MTUS2: variants seen among roughly 807,000 people sequenced by gnomAD.
MTUS2 encodes microtubule associated scaffold protein 2.
In MTUS2, 40 loss-of-function variants were observed where a neutral mutation model predicts 114.1. The observed-to-expected ratio is 0.35, with a 90% CI of 0.27 to 0.46. The LOEUF is 0.46. Among genes scored for constraint, MTUS2 ranks in the 20% least tolerant of loss-of-function variants. The probability of loss-of-function intolerance (pLI) is 1.00; values close to 1 mark genes in which losing one functional copy is unlikely to be tolerated. For missense variants in MTUS2, 1,679 were observed against 1,705.4 expected (o/e 0.98, Z 0.27); for synonymous variants, 688 against 672.0 (o/e 1.02, Z -0.37).
chr13:29,437,311 A>G (rs755740748), intron 8 of MTUS2, among the ~76,000 whole-genome samples: 3 of 152,218 alleles, frequency 2.0e-5, no homozygotes, highest in Admixed American at 6.5e-5. Context: ...TACTATTTCA[A>G]TTCTCTGGCT....
At chr13:29,308,540 C>A (rs1256445754) in intron 6 of MTUS2, among the ~76,000 whole-genome samples, 1 of 152,104 alleles carries the variant, frequency 6.6e-6, no homozygotes, top group Non-Finnish European at 1.5e-5. Context: ...GTGACTAAAG[C>A]AAAACTTGAC....
rs1270708816 is a variant in MTUS2, at chr13:28,908,863, TG to T, written c.-243+69014del. ...CTTTAATCCATCTTGAATTAATTTT[TG>T]TATAAGATATAAGGAAGGGACCCAG... On this transcript the variant is annotated intron_variant, in intron 2 of 15. Transcript: ENST00000612955. Among the ~76,000 whole-genome samples, 57 of 151,804 alleles carry T rather than the reference TG, an allele frequency of 3.8e-4. 2 individuals are homozygous for T. The highest frequency in any genetic ancestry group is 2.9e-3 in the Admixed American group (45 of 15,276).
chr13:29,396,698 A>G (rs1290219083), intron 8 of MTUS2, among the ~76,000 whole-genome samples: 2 of 152,336 alleles, frequency 1.3e-5, no homozygotes, highest in African/African-American at 4.8e-5. Context: ...CCTTACATCA[A>G]ATACTTCTAG....
intron 5 of MTUS2, among the ~76,000 whole-genome samples, chr13:29,154,724 C>G (rs1892790041): frequency 6.6e-6 from 1 of 152,134 alleles, no homozygotes; most frequent in Non-Finnish European, 1.5e-5. Flanking sequence ...AGATTTATAC[C>G]TCTTGAAATT....
chr13:29,076,924 A>G (rs75295906), intron 4 of MTUS2, among the ~76,000 whole-genome samples: 2,500 of 152,280 alleles, frequency 0.016, 69 homozygotes, highest in African/African-American at 0.057. Flanking sequence ...AGCAATGCCT[A>G]TCATTTGTTG....
At chr13:29,020,719 C>T in intron 2 of MTUS2, among the ~76,000 whole-genome samples, 1 of 151,654 alleles carries the variant, frequency 6.6e-6, no homozygotes, top group East Asian at 1.9e-4. Flanking sequence ...GTGTATGATT[C>T]CATTCATGGG....
At chr13:28,900,811 T>G (rs1446782725) in intron 2 of MTUS2, among the ~76,000 whole-genome samples, 2 of 152,248 alleles carry the variant, frequency 1.3e-5, no homozygotes, top group South Asian at 2.1e-4. Flanking sequence ...GTTCAGCATA[T>G]GAATCTGGAG....
At chr13:28,913,039 A>C (rs1020289706) in intron 2 of MTUS2, among the ~76,000 whole-genome samples, 1 of 152,176 alleles carries the variant, frequency 6.6e-6, no homozygotes, top group Admixed American at 6.6e-5. Context: ...TTCTAGATAT[A>C]GGATGATGTC....
chr13:29,399,832 T>C (rs564464877), intron 8 of MTUS2, among the ~76,000 whole-genome samples: 264 of 152,112 alleles, frequency 1.7e-3, no homozygotes, highest in African/African-American at 6.2e-3. Context: ...ATTAAAGCCA[T>C]AAACAAATCA....
In MTUS2 at chr13:29,024,671, G is replaced by A; in HGVS notation, c.-28G>A. Reference sequence around the variant, plus strand: ...CCATTTCCATTAAGTAGGACTGCATGGCAAGCAGCCCCACCAAAGGGTTGA... The same window carrying A: ...CCATTTCCATTAAGTAGGACTGCATAGCAAGCAGCCCCACCAAAGGGTTGA... On this transcript the variant is annotated 5_prime_UTR_variant, in exon 3 of 16. It removes an upstream start codon present in the reference 5' UTR. Transcript: ENST00000612955. 6.2e-7 allele frequency: 1 copy of A among 1,607,672 alleles called. No homozygotes were observed. The highest frequency in any genetic ancestry group is 8.5e-7 in the Non-Finnish European group (1 of 1,177,016).
rs997045663 is a variant in MTUS2, at chr13:29,294,632, G to A, written c.2806+12767G>A. On this transcript the variant is annotated intron_variant, in intron 6 of 15. Transcript: ENST00000612955. The stretch of plus-strand genomic sequence containing the variant: ...TTCACCAAAGGGAAAAAGCTCATGG[G>A]GCAAAGTTCAAATGAAACAAGGCAC... 2.0e-5 allele frequency among the ~76,000 whole-genome samples: 3 copies of A among 152,034 alleles called. No homozygotes were observed. The East Asian group carries it at 5.8e-4, about 29-fold the overall frequency.
chr13:29,278,321 C>A (rs138407187), intron 5 of MTUS2, among the ~76,000 whole-genome samples: 520 of 152,178 alleles, frequency 3.4e-3, no homozygotes, highest in African/African-American at 0.012. Context: ...AATAAAGGCA[C>A]CATAAGTGTG....
chr13:29,332,428 C>T (rs1043807890), intron 7 of MTUS2, among the ~76,000 whole-genome samples: 4 of 151,764 alleles, frequency 2.6e-5, no homozygotes, highest in African/African-American at 4.8e-5. Context: ...TTTTTTATTG[C>T]GTCTATTTGA....
Position 29,025,587 on chromosome 13 carries a change from C to T in MTUS2, c.889C>T (p.Leu297=). 2 of 1,613,968 alleles carry T rather than the reference C, an allele frequency of 1.2e-6. No homozygotes were observed. The highest frequency in any genetic ancestry group is 1.7e-6 in the Non-Finnish European group (2 of 1,179,890). ...TLASKEIPSK[L]EAQLGQGKGE... ...GGCATCGAAGGAAATCCCAAGTAAA[C>T]TGGAAGCACAATTAGGTCAGGGAAA... is the stretch of plus-strand genomic sequence containing the variant. The change falls in exon 3 of 16, where the codon CTG becomes TTG. Residue 297 remains leucine, a synonymous_variant. Transcript: ENST00000612955.
chr13:29,047,909 A>T (rs1483852756), intron 4 of MTUS2, among the ~76,000 whole-genome samples: 6 of 151,900 alleles, frequency 3.9e-5, no homozygotes, highest in Non-Finnish European at 7.4e-5. Context: ...ATATAAATGG[A>T]ATCATATGCT....
chr13:28,998,709 A>G (rs1303145466), intron 2 of MTUS2, among the ~76,000 whole-genome samples: 3 of 152,052 alleles, frequency 2.0e-5, no homozygotes, highest in Non-Finnish European at 4.4e-5. Context: ...TGCATTTGTC[A>G]CGTAGTTCTT....
chr13:29,089,466 G>A (rs1210576222), intron 4 of MTUS2, among the ~76,000 whole-genome samples: 3 of 152,134 alleles, frequency 2.0e-5, no homozygotes, highest in African/African-American at 7.2e-5. Flanking sequence ...TTTCACAGGG[G>A]TCCTCTGAAG....
intron 11 of MTUS2, among the ~76,000 whole-genome samples, chr13:29,491,729 G>T (rs567671141): frequency 1.4e-3 from 201 of 147,382 alleles, no homozygotes; most frequent in African/African-American, 5.0e-3. Flanking sequence ...GTAGGTGTGT[G>T]TGGGGCGTGT....
At chr13:28,966,482 G>A (rs1883588393) in intron 2 of MTUS2, among the ~76,000 whole-genome samples, 1 of 152,150 alleles carries the variant, frequency 6.6e-6, no homozygotes. Flanking sequence ...AGCACGTTGT[G>A]GGGGCTGAGG....
Sources: gnomAD v4.1 joint callset for allele counts (sites outside exome capture counted in the v4.1 genomes callset) on GRCh38, gnomAD v4.1.1 for gene constraint, MANE v1.5 for transcripts, NCBI Gene and HGNC (gene_info 2026-07-23, HGNC 2026-07-21) for gene names.